MXD1: variants seen among roughly 807,000 people sequenced by gnomAD.
The protein encoded by MXD1 is MAX dimerization protein 1, also known as MAX-binding protein.
A neutral mutation model predicts 25.7 loss-of-function variants in MXD1; 9 were observed. The observed-to-expected ratio is 0.35, with a 90% CI of 0.21 to 0.61. The LOEUF (loss-of-function observed/expected upper bound fraction) is 0.61, where lower values mean the gene tolerates loss of function less well. Ranked by LOEUF, MXD1 falls within the 20% of genes least tolerant of loss-of-function variation. The probability of loss-of-function intolerance (pLI) is 0.75; values close to 1 mark genes in which losing one functional copy is unlikely to be tolerated. For synonymous variants in MXD1, 99 were observed against 113.9 expected (o/e 0.87, Z 0.83); for missense variants, 227 against 292.4 (o/e 0.78, Z 1.63).
rs1300999599 is a variant in MXD1 at position 69,938,594 on chromosome 2, C to T, written c.*310C>T. 7.8e-6 allele frequency: 2 copies of T among 255,040 alleles called. 1 individual carries two copies. The highest frequency in any genetic ancestry group is 2.1e-4 in the East Asian group (2 of 9,754). 15.8% of individuals were successfully genotyped at this position (255,040 alleles called of 1,614,324 possible). A position where few individuals can be genotyped will look rare whatever the true frequency, so the allele number is the denominator to read the frequency against. On this transcript the variant is annotated 3_prime_UTR_variant, in exon 6 of 6. Transcript: ENST00000264444. ...TCTCAGCAATCCCCCTCTTTGCTCT[C>T]CTCGTGTCCTCTCCCAGACCTTTCT...
chr2:69,937,445 G>T, intron 5 of MXD1, 51 bp downstream of exon 5: 1 of 1,368,142 alleles, frequency 7.3e-7, no homozygotes, highest in South Asian at 1.3e-5. Context: ...CCCAACCCCA[G>T]AGCAGGGGTT....
intron 3 of MXD1, among the ~76,000 whole-genome samples, chr2:69,930,584 A>G (rs1207343762): frequency 1.3e-5 from 2 of 152,246 alleles, no homozygotes; most frequent in African/African-American, 2.4e-5. Flanking sequence ...CTGTGTTTCC[A>G]TAGAAAATGG....
Position 69,921,781 on chromosome 2 carries a change from G to C in MXD1, c.203+16G>C. Reference sequence around the variant, plus strand: ...AGAAGAATAGGTGAGTTGGGGATTTGGGAGGTGGAATGCGGGGAGCTTTGT... The same window carrying C: ...AGAAGAATAGGTGAGTTGGGGATTTCGGAGGTGGAATGCGGGGAGCTTTGT... On this transcript the variant is annotated intron_variant, in intron 3 of 5. Transcript: ENST00000264444. 1.2e-6 allele frequency: 2 copies of C among 1,610,146 alleles called. No individual in the cohort carries two copies. The highest frequency in any genetic ancestry group is 1.1e-5 in the South Asian group (1 of 90,430).
At position 69,939,238 on chromosome 2, in the gene MXD1, A is replaced by G. The variant is rs1677540915; in HGVS notation, c.*954A>G. 6.6e-6 allele frequency: 1 copy of G among 152,658 alleles called. No individual in the cohort carries two copies. Among genetic ancestry groups the G allele is most frequent in the Admixed American group, 6.5e-5 (1 of 15,282 alleles). The allele number at this position is 152,658 out of a possible 1,614,324, so 9.5% of individuals were successfully genotyped here. On this transcript the variant is annotated 3_prime_UTR_variant, in exon 6 of 6. Coordinates refer to ENST00000264444, the MANE Select transcript of MXD1 (RefSeq NM_002357.4). ...GAGCTGTGGCACTAGCAGAGCTAGTAGCCATTATCAGTGAAAGAAAAAGTC... is the reference window on the plus strand; with the variant it reads ...GAGCTGTGGCACTAGCAGAGCTAGTGGCCATTATCAGTGAAAGAAAAAGTC...
At chr2:69,934,094 G>A (rs772207486) in intron 3 of MXD1, among the ~76,000 whole-genome samples, 40 of 152,342 alleles carry the variant, frequency 2.6e-4, no homozygotes, top group Admixed American at 7.2e-4. Context: ...TTTGAGGCAC[G>A]GTGACAGCAC....
In MXD1 at chr2:69,916,184, G is replaced by A; in HGVS notation, c.137G>A (p.Arg46Gln). ...AACAAGGACAGAGATGCCTTAAAAC[G>A]GAGGAACAAATCCAAAAAGAATAAC... ...YNNKDRDALK[R>Q]RNKSKKNNSS... Residue 46 changes from arginine (R) to glutamine (Q), a missense_variant, in exon 2 of 6, where the codon CGG (arginine) becomes CAG (glutamine). By Grantham distance (43) the Arg-to-Gln change is conservative (BLOSUM62 1). Coordinates refer to ENST00000264444, the MANE Select transcript of MXD1 (RefSeq NM_002357.4). The A allele has an allele frequency of 2.5e-6, 4 of 1,612,498 alleles. No homozygotes were observed. The highest frequency in any genetic ancestry group is 3.4e-6 in the Non-Finnish European group (4 of 1,178,738).
intron 3 of MXD1, among the ~76,000 whole-genome samples, chr2:69,926,372 C>T (rs1677171942): frequency 6.6e-6 from 1 of 151,700 alleles, no homozygotes; most frequent in Admixed American, 6.6e-5. Flanking sequence ...CTATTTTCAC[C>T]AGTTTATTTT....
At chr2:69,938,026 C>A in intron 5 of MXD1, 71 bp from the exon 6 acceptor site, 1 of 1,462,552 alleles carries the variant, frequency 6.8e-7, no homozygotes, top group Non-Finnish European at 9.4e-7. Flanking sequence ...GGATTACAAG[C>A]ATGAGCCACC....
chr2:69,939,518 T>C lies in MXD1; in HGVS notation c.*1234T>C, dbSNP rs2104220802. On this transcript the variant is annotated 3_prime_UTR_variant, in exon 6 of 6. Transcript: ENST00000264444. Reference sequence around the variant, plus strand: ...TAAGACACATTAAATCTATAAATACTATTTATTCATTTTATATAAACTAAT... The same window carrying C: ...TAAGACACATTAAATCTATAAATACCATTTATTCATTTTATATAAACTAAT... The C allele has an allele frequency of 6.5e-6, 1 of 152,808 alleles. No homozygotes were observed. The highest frequency in any genetic ancestry group is 1.5e-5 in the Non-Finnish European group (1 of 68,034). 9.5% of individuals were successfully genotyped at this position (152,808 alleles called of 1,614,324 possible).
In MXD1 at chr2:69,915,456, G is replaced by A; in HGVS notation, c.73+53G>A. The A allele has an allele frequency of 8.0e-7, 1 of 1,242,870 alleles. No homozygotes were observed. The highest frequency in any genetic ancestry group is 1.0e-6 in the Non-Finnish European group (1 of 979,080). The allele number at this position is 1,242,870 out of a possible 1,614,324, so 77.0% of individuals were successfully genotyped here. A position where few individuals can be genotyped will look rare whatever the true frequency, so the allele number is the denominator to read the frequency against. The stretch of plus-strand genomic sequence containing the variant: ...CGAAACGAGGCCGGGGGTCCTGTGG[G>A]GCCGGCCTCAGGTCCGGGCGCCCAG... On this transcript the variant is annotated intron_variant, in intron 1 of 5. Transcript: ENST00000264444. The surrounding 1 kb of genome is among the most constrained non-coding windows in gnomAD (Gnocchi z 5.8).
intron 3 of MXD1, among the ~76,000 whole-genome samples, chr2:69,923,175 T>C (rs1043590894): frequency 1.6e-4 from 24 of 152,144 alleles, no homozygotes; most frequent in Middle Eastern, 3.4e-3. Context: ...AACAAAATAA[T>C]GCCCAGACCT....
rs900872999 is a variant in MXD1 at position 69,941,309 on chromosome 2, A to G, written c.*3025A>G. 4 of 152,182 alleles carry G rather than the reference A, an allele frequency of 2.6e-5. No homozygotes were observed. The highest frequency in any genetic ancestry group is 9.7e-5 in the African/African-American group (4 of 41,430). 9.4% of individuals were successfully genotyped at this position (152,182 alleles called of 1,614,324 possible). ...GCTTTCCATCCCCTGTTGGCTTTGA[A>G]TGGTGGGCCGAGCACCCAGGTCGTC... On this transcript the variant is annotated 3_prime_UTR_variant, in exon 6 of 6. Transcript: ENST00000264444.
Position 69,921,712 on chromosome 2 carries a change from T to C in MXD1, c.174-24T>C, listed in dbSNP as rs1677067016. On this transcript the variant is annotated intron_variant, in intron 2 of 5. Transcript: ENST00000264444. ...TCTTTAAGACAAAAATATCTTATTC[T>C]TCTCTTATTGTTCCCTCTTTCAGAT... 6.2e-6 allele frequency: 10 copies of C among 1,602,216 alleles called. No individual in the cohort carries two copies. The South Asian group carries it at 1.0e-4, about 16-fold the overall frequency.
At chr2:69,920,001 T>C (rs755339590) in intron 2 of MXD1, among the ~76,000 whole-genome samples, 1 of 37,570 alleles carries the variant, frequency 2.7e-5, no homozygotes, top group Non-Finnish European at 4.4e-5. Flanking sequence ...TTTGTTTTGT[T>C]TTGTTTTGTT....
At position 69,941,969 on chromosome 2, in the gene MXD1, A is replaced by G. The variant is rs559023543; in HGVS notation, c.*3685A>G. The G allele has an allele frequency of 6.6e-6, 1 of 152,086 alleles. No homozygotes were observed. The highest frequency in any genetic ancestry group is 2.1e-4 in the South Asian group (1 of 4,818). The allele number at this position is 152,086 out of a possible 1,614,324, so 9.4% of individuals were successfully genotyped here. On this transcript the variant is annotated 3_prime_UTR_variant, in exon 6 of 6. Transcript: ENST00000264444. ...CCTTTACAGTCTATTTCTTCCCCCA[A>G]GTCTTGGTCTTTTTTTATTTTCTAT...
intron 3 of MXD1, among the ~76,000 whole-genome samples, chr2:69,931,733 G>C (rs1677289828): frequency 6.6e-6 from 1 of 152,178 alleles, no homozygotes; most frequent in Non-Finnish European, 1.5e-5. Flanking sequence ...ACTTGATTCA[G>C]AGCATGACTT....
chr2:69,918,778 A>G (rs1011896830), intron 2 of MXD1, among the ~76,000 whole-genome samples: 2 of 152,130 alleles, frequency 1.3e-5, no homozygotes, highest in Non-Finnish European at 2.9e-5. Context: ...GTGATTCCAG[A>G]GTTATCCATT....
intron 3 of MXD1, 109 bp downstream of exon 3, chr2:69,921,874 T>C: frequency 9.5e-7 from 1 of 1,049,852 alleles, no homozygotes; most frequent in Non-Finnish European, 1.4e-6. Flanking sequence ...TAGCACCTGA[T>C]TTCAGAATTC....
chr2:69,936,753 CAG>C (rs1266911311), intron 4 of MXD1, among the ~76,000 whole-genome samples: 3 of 152,160 alleles, frequency 2.0e-5, no homozygotes, highest in Non-Finnish European at 1.5e-5. Context: ...TGCTAACAAA[CAG>C]AAGTTAATTG....
Sources: gnomAD v4.1 joint callset for allele counts (sites outside exome capture counted in the v4.1 genomes callset) on GRCh38, gnomAD v4.1.1 for gene constraint, Gnocchi (gnomAD v3.1) non-coding constraint, MANE v1.5 for transcripts, NCBI Gene and HGNC (gene_info 2026-07-23, HGNC 2026-07-21) for gene names.